The following ADCY1 variants were observed in gnomAD, a reference collection of about 807,000 sequenced individuals.
ADCY1 encodes adenylate cyclase 1.
ADCY1 carries 28 observed loss-of-function variants against 105.4 expected under a neutral mutation model. That is an observed-to-expected ratio of 0.27 (90% CI 0.20 to 0.36). The LOEUF (loss-of-function observed/expected upper bound fraction) is 0.36. Ranked by LOEUF, ADCY1 falls within the 10% of genes least tolerant of loss-of-function variation. ADCY1 has a pLI of 1.00. For missense variants in ADCY1, 977 were observed against 1,434.2 expected (o/e 0.68, Z 5.15); for synonymous variants, 655 against 623.8 (o/e 1.05, Z -0.75).
intron 8 of ADCY1, among the ~76,000 whole-genome samples, chr7:45,663,733 C>T (rs1008093167): frequency 5.9e-5 from 9 of 151,890 alleles, no homozygotes; most frequent in Non-Finnish European, 1.2e-4. Flanking sequence ...GCAGGAGAAT[C>T]GCTTTAACCC....
chr7:45,623,845 G>A (rs77603239), intron 4 of ADCY1, among the ~76,000 whole-genome samples: 2,254 of 152,244 alleles, frequency 0.015, 50 homozygotes, highest in South Asian at 0.047. Context: ...AGCCCAGGAT[G>A]TGATGCTTTT....
rs150107393 is a variant in ADCY1, at chr7:45,666,379, T to C, written c.1605+4165T>C. Among the ~76,000 whole-genome samples the C allele has an allele frequency of 1.7e-3, 253 of 152,322 alleles. 1 individual carries two copies. Among genetic ancestry groups the C allele is most frequent in the African/African-American group, 5.5e-3 (229 of 41,574 alleles). On this transcript the variant is annotated intron_variant, in intron 8 of 19. Coordinates refer to ENST00000297323, the MANE Select transcript of ADCY1 (RefSeq NM_021116.4). ...CAATTCCCACATGTAAGTGAGAACATGCGGTGTTTGGTTTTTTGTCCTTGC... is the reference window on the plus strand; with the variant it reads ...CAATTCCCACATGTAAGTGAGAACACGCGGTGTTTGGTTTTTTGTCCTTGC...
intron 4 of ADCY1, among the ~76,000 whole-genome samples, chr7:45,643,568 C>A (rs560103756): frequency 7.9e-5 from 12 of 152,106 alleles, no homozygotes; most frequent in African/African-American, 2.7e-4. Context: ...CGAAATAATT[C>A]TTCTCTCTGT....
rs1238417245 is a variant in ADCY1 at position 45,722,236 on chromosome 7, TG to T, written c.*8242del. ...CCAGTGTGGGAGAGATGTATGGTCT[TG>T]CCTTCCACCTGTAAAAACTGCACAT... On this transcript the variant is annotated 3_prime_UTR_variant, in exon 20 of 20. Coordinates refer to ENST00000297323, the MANE Select transcript of ADCY1 (RefSeq NM_021116.4). 5 of 180,288 alleles carry T rather than the reference TG, an allele frequency of 2.8e-5. No individual in the cohort carries two copies. Among genetic ancestry groups the T allele is most frequent in the African/African-American group, 4.7e-5 (2 of 42,726 alleles). The allele number at this position is 180,288 out of a possible 1,614,324, so 11.2% of individuals were successfully genotyped here. A position where few individuals can be genotyped will look rare whatever the true frequency, so the allele number is the denominator to read the frequency against.
At chr7:45,605,635 T>A (rs1793353694) in intron 2 of ADCY1, among the ~76,000 whole-genome samples, 1 of 152,214 alleles carries the variant, frequency 6.6e-6, no homozygotes, top group Non-Finnish European at 1.5e-5. Flanking sequence ...TAGCATTACA[T>A]CCCTGGATTA....
chr7:45,629,580 G>T (rs1053596072), intron 4 of ADCY1, among the ~76,000 whole-genome samples: 1 of 150,730 alleles, frequency 6.6e-6, no homozygotes, highest in Non-Finnish European at 1.5e-5. Context: ...CTGCAGTGGC[G>T]CAATCTCGGC....
chr7:45,712,522 C>G (rs1785280584), intron 19 of ADCY1, among the ~76,000 whole-genome samples: 1 of 152,152 alleles, frequency 6.6e-6, no homozygotes, highest in Non-Finnish European at 1.5e-5. Flanking sequence ...CCTGGCTGCC[C>G]AGGATATCAC....
At chr7:45,584,343 T>C (rs1171899707) in intron 1 of ADCY1, among the ~76,000 whole-genome samples, 2 of 152,178 alleles carry the variant, frequency 1.3e-5, no homozygotes, top group African/African-American at 4.8e-5. Flanking sequence ...GGAGCATCGA[T>C]GCTTCCGATG....
intron 1 of ADCY1, among the ~76,000 whole-genome samples, chr7:45,588,384 A>G (rs923543655): frequency 3.9e-5 from 6 of 152,214 alleles, no homozygotes; most frequent in African/African-American, 1.2e-4. Flanking sequence ...CTTTTATTGG[A>G]GAATTTTATT....
intron 8 of ADCY1, among the ~76,000 whole-genome samples, chr7:45,673,445 C>T (rs1784399171): frequency 6.6e-6 from 1 of 152,112 alleles, no homozygotes; most frequent in South Asian, 2.1e-4. Flanking sequence ...ATTATAAAGT[C>T]AATTTCTTTA....
Position 45,610,420 on chromosome 7 carries a change from G to A in ADCY1, c.831G>A (p.Met277Ile). Residue 277 changes from methionine (M) to isoleucine (I), a missense_variant, in exon 3 of 20, where the codon ATG becomes ATA. Met to Ile is a conservative substitution (Grantham distance 10, BLOSUM62 1). Transcript: ENST00000297323. ...LMSLLPRNVA[M>I]EMKEDFLKPP... The stretch of plus-strand genomic sequence containing the variant: ...GCCTCCTGCCCCGGAACGTTGCCAT[G>A]GAGATGAAGGAGGACTTCCTGAAGC... 1 of 1,613,992 alleles carries A rather than the reference G, an allele frequency of 6.2e-7. No individual in the cohort carries two copies.
chr7:45,711,605 CTGTATATA>C (rs1562735466), intron 19 of ADCY1, among the ~76,000 whole-genome samples: 1 of 63,160 alleles, frequency 1.6e-5, no homozygotes, highest in African/African-American at 6.0e-5. Context: ...GAACTTCGTG[CTGTATATA>C]TATATATATA....
At chr7:45,602,065 G>C (rs771141711) in intron 2 of ADCY1, among the ~76,000 whole-genome samples, 1 of 152,098 alleles carries the variant, frequency 6.6e-6, no homozygotes, top group Non-Finnish European at 1.5e-5. Flanking sequence ...TGAGGGATGT[G>C]TAGGGGTTTG....
intron 4 of ADCY1, among the ~76,000 whole-genome samples, chr7:45,635,839 A>G (rs979272657): frequency 1.1e-4 from 16 of 151,986 alleles, no homozygotes; most frequent in South Asian, 2.1e-4. Flanking sequence ...GTAAGTACCA[A>G]TTAGGTCAAT....
intron 3 of ADCY1, among the ~76,000 whole-genome samples, chr7:45,616,399 A>G (rs1793738129): frequency 6.6e-6 from 1 of 152,230 alleles, no homozygotes; most frequent in African/African-American, 2.4e-5. Context: ...CCTGATAAAT[A>G]TAGATTCAGA....
At chr7:45,699,836 T>C (rs1784962719) in intron 14 of ADCY1, among the ~76,000 whole-genome samples, 1 of 152,160 alleles carries the variant, frequency 6.6e-6, no homozygotes, top group Admixed American at 6.5e-5. Flanking sequence ...ACATGTCTGA[T>C]GCAGTACAGC....
chr7:45,694,521 T>A (rs1018342879), intron 14 of ADCY1, among the ~76,000 whole-genome samples: 1 of 151,992 alleles, frequency 6.6e-6, no homozygotes, highest in African/African-American at 2.4e-5. Flanking sequence ...AGAAGAAAGG[T>A]CTCTCTCAAA....
At chr7:45,664,054 C>T (rs1008389538) in intron 8 of ADCY1, among the ~76,000 whole-genome samples, 3 of 152,050 alleles carry the variant, frequency 2.0e-5, no homozygotes, top group Non-Finnish European at 2.9e-5. Context: ...TGACCTAGCA[C>T]GATTCTTGCT....
At chr7:45,624,993 T>C (rs6961503) in intron 4 of ADCY1, among the ~76,000 whole-genome samples, 61,254 of 152,082 alleles carry the variant, frequency 0.4, 12,797 homozygotes, top group East Asian at 0.71. Context: ...AGACTCCCTG[T>C]GGCTCTAGTT....
Sources: gnomAD v4.1 joint callset for allele counts (sites outside exome capture counted in the v4.1 genomes callset) on GRCh38, gnomAD v4.1.1 for gene constraint, MANE v1.5 for transcripts, NCBI Gene and HGNC (gene_info 2026-07-23, HGNC 2026-07-21) for gene names.